Variants in WAC observed in about 807,000 individuals in gnomAD.
WAC encodes the protein WW domain containing adaptor with coiled-coil.
Under a neutral mutation model 79.6 loss-of-function variants are expected in WAC, and 11 were observed. The ratio of observed to expected loss-of-function variants is 0.14; its 90% CI spans 0.09 to 0.23. The LOEUF is 0.23. WAC is among the 10% of genes least tolerant of loss of function. The pLI is 1.00. For synonymous variants in WAC, 304 were observed against 276.9 expected, an observed-to-expected ratio of 1.10 and a Z score of -0.97; for missense variants, 728 against 773.5, an observed-to-expected ratio of 0.94 and a Z score of 0.70.
chr10:28,589,754 G>T lies in WAC; in HGVS notation c.400G>T (p.Asp134Tyr). Residue 134 changes from aspartate (D) to tyrosine (Y), a missense_variant, in exon 5 of 14, where the codon GAC becomes TAC. Asp to Tyr is a radical substitution (Grantham distance 160). Transcript: ENST00000354911. ...TSDAPYDSAD[D>Y]WSEHISSSGK... ...TTTTAAGCCTTATGATTCTGCAGAT[G>T]ACTGGTCTGAGCATATTAGCTCTTC... 2 of 1,610,122 alleles carry T rather than the reference G, an allele frequency of 1.2e-6. No homozygotes were observed. The highest frequency in any genetic ancestry group is 2.2e-5 in the South Asian group (2 of 90,310).
chr10:28,555,944 C>T (rs924795856), intron 3 of WAC, among the ~76,000 whole-genome samples: 4 of 152,094 alleles, frequency 2.6e-5, no homozygotes, highest in Admixed American at 6.5e-5. Context: ...GTTATAGCAA[C>T]AGAAAACTAG....
intron 3 of WAC, among the ~76,000 whole-genome samples, chr10:28,570,258 T>C (rs1838873011): frequency 6.6e-6 from 1 of 152,248 alleles, no homozygotes; most frequent in South Asian, 2.1e-4. Flanking sequence ...ATTTTAAAGT[T>C]ACTAGTTACC....
chr10:28,533,662 C>T (rs761054063), intron 1 of WAC, 42 bp downstream of exon 1: 2 of 1,464,446 alleles, frequency 1.4e-6, no homozygotes, highest in African/African-American at 2.9e-5. Flanking sequence ...CGGCGGGGGG[C>T]GGCGGCGGGG....
intron 7 of WAC, among the ~76,000 whole-genome samples, chr10:28,607,858 A>T (rs1172532684): frequency 6.6e-6 from 1 of 152,214 alleles, no homozygotes; most frequent in Non-Finnish European, 1.5e-5. Context: ...ATGTGTGGTT[A>T]ATAAATAATT....
intron 3 of WAC, among the ~76,000 whole-genome samples, chr10:28,574,926 A>G (rs1839166922): frequency 1.3e-5 from 2 of 152,158 alleles, no homozygotes; most frequent in East Asian, 3.8e-4. Flanking sequence ...CATTTTAGGT[A>G]CACAAGTAGA....
chr10:28,590,285 C>T (rs1840018173), intron 5 of WAC, among the ~76,000 whole-genome samples: 1 of 135,414 alleles, frequency 7.4e-6, no homozygotes, highest in African/African-American at 2.9e-5. Flanking sequence ...ACACTCTAGC[C>T]TGAGCAACAG....
intron 4 of WAC, among the ~76,000 whole-genome samples, chr10:28,586,388 T>C (rs1043278903): frequency 3.3e-5 from 5 of 152,102 alleles, no homozygotes; most frequent in Admixed American, 2.0e-4. Flanking sequence ...AAAAAAGTCA[T>C]GGGAATGTTG....
rs572189823 is a variant in WAC, at chr10:28,533,158, C to G, written c.-422C>G. Reference sequence around the variant, plus strand: ...AGTTGGTGGAGCGGCAGCGGCGGCACCAGCGGCGGCGGCGGCGGCGGGAGG... The same window carrying G: ...AGTTGGTGGAGCGGCAGCGGCGGCAGCAGCGGCGGCGGCGGCGGCGGGAGG... On this transcript the variant is annotated 5_prime_UTR_variant, in exon 1 of 14. Transcript: ENST00000354911. Among the ~76,000 whole-genome samples the G allele has an allele frequency of 4.0e-5, 6 of 151,418 alleles. No homozygotes were observed. In the South Asian group the frequency reaches 6.3e-4, roughly 16 times the overall value.
At chr10:28,533,890 C>T in intron 1 of WAC, 108 bp from the exon 2 acceptor site, 1 of 1,384,226 alleles carries the variant, frequency 7.2e-7, no homozygotes, top group African/African-American at 1.5e-5. Context: ...CGCTGGGGCG[C>T]TCGGTAGGTC....
At chr10:28,548,160 T>G (rs1231558781) in intron 3 of WAC, among the ~76,000 whole-genome samples, 1 of 151,946 alleles carries the variant, frequency 6.6e-6, no homozygotes, top group Non-Finnish European at 1.5e-5. Flanking sequence ...TTACCTCAGG[T>G]GATCCACCTG....
At chr10:28,535,026 A>G (rs567209835) in intron 2 of WAC, among the ~76,000 whole-genome samples, 39 of 152,068 alleles carry the variant, frequency 2.6e-4, no homozygotes, top group African/African-American at 8.9e-4. Flanking sequence ...GTATTTTTAT[A>G]CCTTAAAATT....
At chr10:28,599,945 T>A (rs1425993842) in intron 7 of WAC, among the ~76,000 whole-genome samples, 1 of 152,152 alleles carries the variant, frequency 6.6e-6, no homozygotes, top group Non-Finnish European at 1.5e-5. Context: ...AATTGAATTT[T>A]ATCAGTTGGC....
intron 3 of WAC, among the ~76,000 whole-genome samples, chr10:28,576,212 A>G (rs1839237361): frequency 6.6e-6 from 1 of 152,240 alleles, no homozygotes; most frequent in African/African-American, 2.4e-5. Context: ...AATAACATAT[A>G]CTGCCTGCAG....
intron 3 of WAC, among the ~76,000 whole-genome samples, chr10:28,544,479 A>C (rs1837243857): frequency 6.6e-6 from 1 of 152,154 alleles, no homozygotes; most frequent in South Asian, 2.1e-4. Flanking sequence ...TGCGGGGTTA[A>C]ATGAAATTGT....
At chr10:28,541,479 G>A (rs1459855429) in intron 3 of WAC, among the ~76,000 whole-genome samples, 1 of 138,504 alleles carries the variant, frequency 7.2e-6, no homozygotes, top group African/African-American at 2.7e-5. Context: ...AGGCTGGAGT[G>A]CAGTGGCACG....
At chr10:28,604,988 A>T (rs1351441202) in intron 7 of WAC, among the ~76,000 whole-genome samples, 3 of 152,190 alleles carry the variant, frequency 2.0e-5, no homozygotes, top group Non-Finnish European at 4.4e-5. Flanking sequence ...AGTATTATAC[A>T]TGTAGATTGA....
intron 3 of WAC, among the ~76,000 whole-genome samples, chr10:28,554,010 G>C (rs1304542685): frequency 6.6e-6 from 1 of 152,030 alleles, no homozygotes; most frequent in Non-Finnish European, 1.5e-5. Context: ...AGGACTACAG[G>C]CGCATACCAC....
At chr10:28,611,336 A>G in intron 9 of WAC, 1 of 1,294,186 alleles carries the variant, frequency 7.7e-7, no homozygotes, top group Non-Finnish European at 1.0e-6. Context: ...CTTTGTCAGA[A>G]AGCTGATAAA....
rs545823465 is a variant in WAC, at chr10:28,533,858, G to T, written c.42-140G>T. The stretch of plus-strand genomic sequence containing the variant: ...GCCCTTCCGGAGGCTCCGGGTTTGT[G>T]CCGTGTGCGTGCGGGGCTCGGCGCT... On this transcript the variant is annotated intron_variant, in intron 1 of 13. Coordinates refer to ENST00000354911, the MANE Select transcript of WAC (RefSeq NM_016628.5). The T allele has an allele frequency of 3.8e-5, 43 of 1,144,126 alleles. No individual in the cohort carries two copies. The African/African-American group carries it at 4.8e-4, about 13-fold the overall frequency. The allele number at this position is 1,144,126 out of a possible 1,614,324, so 70.9% of individuals were successfully genotyped here. A position where few individuals can be genotyped will look rare whatever the true frequency, so the allele number is the denominator to read the frequency against.
Sources: allele counts gnomAD v4.1 joint callset (sites outside exome capture counted in the v4.1 genomes callset), GRCh38; gene constraint gnomAD v4.1.1; transcripts MANE v1.5; gene names NCBI Gene and HGNC (gene_info 2026-07-23, HGNC 2026-07-21).